Variants in NEK1 observed in about 807,000 individuals in gnomAD.
The protein encoded by NEK1 is NIMA related kinase 1.
A neutral mutation model predicts 182.1 loss-of-function variants in NEK1; 137 were observed. The ratio of observed to expected loss-of-function variants is 0.75; its 90% CI spans 0.65 to 0.87. The LOEUF is 0.87. Among genes scored for constraint, NEK1 ranks in the 40% least tolerant of loss-of-function variants. The pLI, the probability that NEK1 is intolerant of heterozygous loss-of-function variation, is 0.00. For synonymous variants in NEK1, 513 were observed against 492.2 expected (o/e 1.04, Z -0.56); for missense variants, 1,391 against 1,494.4 (o/e 0.93, Z 1.14).
chr4:169,588,866 C>T (rs774021000), intron 7 of NEK1, 131 bp from the exon 8 acceptor site: 16 of 643,600 alleles, frequency 2.5e-5, no homozygotes, highest in Non-Finnish European at 4.2e-5. Flanking sequence ...TGAAAAATTC[C>T]TATCACCTAG....
At chr4:169,488,599 T>C (rs1036012078) in intron 23 of NEK1, among the ~76,000 whole-genome samples, 12 of 152,134 alleles carry the variant, frequency 7.9e-5, no homozygotes, top group African/African-American at 1.2e-4. Context: ...CTTTGTTAGA[T>C]TGAAAATATT....
intron 27 of NEK1, among the ~76,000 whole-genome samples, chr4:169,456,580 C>T (rs1009647032): frequency 1.3e-5 from 2 of 152,160 alleles, no homozygotes; most frequent in Non-Finnish European, 2.9e-5. Context: ...CTACTATGAG[C>T]AGCTGTATTT....
intron 5 of NEK1, among the ~76,000 whole-genome samples, chr4:169,593,757 G>C (rs1768943509): frequency 6.6e-6 from 1 of 152,122 alleles, no homozygotes. Flanking sequence ...GGGAGGCCTA[G>C]GCGGGCAGAT....
chr4:169,496,077 A>C lies in NEK1; in HGVS notation c.2007+10960T>G, dbSNP rs1226900247. ...ATTTGTTTGTATCCCCTTTTATTTCATTGAGCAGTGGTTTGTAGTTCTCCT... is the reference window on the plus strand; with the variant it reads ...ATTTGTTTGTATCCCCTTTTATTTCCTTGAGCAGTGGTTTGTAGTTCTCCT... On this transcript the variant is annotated intron_variant, in intron 23 of 35. Transcript: ENST00000507142. 3.3e-5 allele frequency among the ~76,000 whole-genome samples: 5 copies of C among 152,136 alleles called. No individual in the cohort carries two copies. In the East Asian group the frequency reaches 5.8e-4, roughly 18 times the overall value.
chr4:169,410,003 G>C (rs1453486167), intron 31 of NEK1, among the ~76,000 whole-genome samples: 1 of 152,034 alleles, frequency 6.6e-6, no homozygotes, highest in African/African-American at 2.4e-5. Context: ...TAGTAGACTG[G>C]TAAGTTTGAA....
intron 19 of NEK1, among the ~76,000 whole-genome samples, chr4:169,535,647 G>A (rs562764652): frequency 7.9e-5 from 12 of 152,124 alleles, no homozygotes; most frequent in Admixed American, 7.8e-4. Context: ...GGGAGGCCGA[G>A]GCAGATGGAT....
At chr4:169,526,647 T>C (rs1186541766) in intron 19 of NEK1, among the ~76,000 whole-genome samples, 1 of 152,254 alleles carries the variant, frequency 6.6e-6, no homozygotes, top group Non-Finnish European at 1.5e-5. Context: ...ATAAATATAC[T>C]GTTCAAATAA....
rs186914647 is a variant in NEK1 at position 169,506,882 on chromosome 4, G to T, written c.2007+155C>A. ...AATGCGAGAGAGACAGAGAGACTGA[G>T]AAAGAGAGAGGTAATGAGAAAGGGT... On this transcript the variant is annotated intron_variant, in intron 23 of 35. Coordinates refer to ENST00000507142, the MANE Select transcript of NEK1 (RefSeq NM_001199397.3). The T allele has an allele frequency of 1.9e-5, 8 of 412,276 alleles. No homozygotes were observed. The South Asian group carries it at 2.3e-4, about 12-fold the overall frequency. The allele number at this position is 412,276 out of a possible 1,614,324, so 25.5% of individuals were successfully genotyped here.
At chr4:169,451,823 C>CA (rs1438432161) in intron 27 of NEK1, among the ~76,000 whole-genome samples, 6 of 151,958 alleles carry the variant, frequency 3.9e-5, no homozygotes, top group Non-Finnish European at 7.4e-5. Context: ...AAAAACCCTT[C>CA]AAAAAATCAA....
At chr4:169,489,220 A>G (rs1256074385) in intron 23 of NEK1, among the ~76,000 whole-genome samples, 1 of 152,182 alleles carries the variant, frequency 6.6e-6, no homozygotes, top group Non-Finnish European at 1.5e-5. Flanking sequence ...TACGTGGTAA[A>G]TCAGTTAAGA....
intron 5 of NEK1, among the ~76,000 whole-genome samples, chr4:169,593,943 C>T (rs983874863): frequency 2.7e-5 from 4 of 150,552 alleles, no homozygotes; most frequent in South Asian, 2.1e-4. Flanking sequence ...GAGCCGAGAT[C>T]GCACCACTGC....
intron 19 of NEK1, among the ~76,000 whole-genome samples, chr4:169,533,822 A>C (rs1288194573): frequency 6.6e-6 from 1 of 152,230 alleles, no homozygotes; most frequent in East Asian, 1.9e-4. Flanking sequence ...AAAATGTAGA[A>C]GCAATATTTG....
At chr4:169,535,139 G>A (rs1758263884) in intron 19 of NEK1, among the ~76,000 whole-genome samples, 1 of 151,992 alleles carries the variant, frequency 6.6e-6, no homozygotes, top group South Asian at 2.1e-4. Context: ...GGCCAACATG[G>A]TGAAACCCCA....
At chr4:169,461,003 C>T (rs1056638343) in intron 27 of NEK1, among the ~76,000 whole-genome samples, 1 of 152,104 alleles carries the variant, frequency 6.6e-6, no homozygotes, top group African/African-American at 2.4e-5. Flanking sequence ...AATTGGAAGA[C>T]TAAAATAAAG....
chr4:169,569,489 T>A (rs1230846700), intron 12 of NEK1, among the ~76,000 whole-genome samples: 249 of 91,154 alleles, frequency 2.7e-3, no homozygotes, highest in African/African-American at 0.01. Flanking sequence ...CCTCTCTCCC[T>A]CTCCCCATGG....
chr4:169,406,505 T>TA (rs903892146), intron 32 of NEK1, 91 bp downstream of exon 32: 72 of 904,946 alleles, frequency 8.0e-5, no homozygotes, highest in African/African-American at 3.8e-4. Context: ...GTTAATGAGT[T>TA]AAAAAAAAGA....
Position 169,589,534 on chromosome 4 carries a change from A to C in NEK1, c.397-20T>G, listed in dbSNP as rs1244916855. The C allele has an allele frequency of 2.2e-6, 3 of 1,370,220 alleles. No individual in the cohort carries two copies. Among genetic ancestry groups the C allele is most frequent in the East Asian group, 5.0e-5 (2 of 39,872 alleles). 84.9% of individuals were successfully genotyped at this position (1,370,220 alleles called of 1,614,324 possible). On this transcript the variant is annotated intron_variant, in intron 6 of 35. Transcript: ENST00000507142. Reference sequence around the variant, plus strand: ...TATGTTCTGTAAAAGACAGGAAAAAAAAAAACCCTAGAAATATTGTTACAG... The same window carrying C: ...TATGTTCTGTAAAAGACAGGAAAAACAAAAACCCTAGAAATATTGTTACAG...
chr4:169,576,826 A>G (rs1383296899), intron 12 of NEK1, 102 bp downstream of exon 12: 3 of 1,150,744 alleles, frequency 2.6e-6, no homozygotes, highest in Non-Finnish European at 1.2e-6. Flanking sequence ...TTGGTAACTT[A>G]ATAAAAGTAA....
chr4:169,436,284 C>T (rs1029545352), intron 28 of NEK1, among the ~76,000 whole-genome samples: 7 of 152,162 alleles, frequency 4.6e-5, no homozygotes, highest in African/African-American at 1.2e-4. Context: ...ATTACATATC[C>T]GGAAGCAAGG....
Sources: allele counts gnomAD v4.1 joint callset (sites outside exome capture counted in the v4.1 genomes callset), GRCh38; gene constraint gnomAD v4.1.1; transcripts MANE v1.5; gene names NCBI Gene and HGNC (gene_info 2026-07-23, HGNC 2026-07-21).